The following HABP4 variants were observed in gnomAD, a reference collection of about 807,000 sequenced individuals.
HABP4 encodes the protein intracellular hyaluronan-binding protein 4.
Under a neutral mutation model 44.1 loss-of-function variants are expected in HABP4, and 32 were observed. The observed-to-expected ratio is 0.73, with a 90% CI of 0.55 to 0.97. The LOEUF is 0.97. HABP4 is among the 50% of genes least tolerant of loss of function. HABP4 has a pLI of 0.00. For missense variants in HABP4, 503 were observed against 561.9 expected, an observed-to-expected ratio of 0.90 and a Z score of 1.06; for synonymous variants, 216 against 218.0, an observed-to-expected ratio of 0.99 and a Z score of 0.08.
At chr9:96,478,678 A>G (rs1473887952) in intron 5 of HABP4, among the ~76,000 whole-genome samples, 1 of 133,716 alleles carries the variant, frequency 7.5e-6, no homozygotes, top group Non-Finnish European at 1.6e-5. Context: ...TTCTTTTTTT[A>G]GAGACAAGAT....
intron 5 of HABP4, chr9:96,483,544 G>T (rs1320955060): frequency 6.6e-6 from 1 of 152,044 alleles, no homozygotes; most frequent in East Asian, 1.9e-4. Flanking sequence ...GAGCCACCAC[G>T]CTTGGCTGTT....
At chr9:96,467,705 T>C (rs1832626780) in intron 4 of HABP4, among the ~76,000 whole-genome samples, 1 of 151,998 alleles carries the variant, frequency 6.6e-6, no homozygotes, top group South Asian at 2.1e-4. Flanking sequence ...TTTGTGTTTT[T>C]AGTAGAGATG....
chr9:96,488,585 C>G lies in HABP4; in HGVS notation c.1185+311C>G, dbSNP rs970719903. 6.6e-6 allele frequency among the ~76,000 whole-genome samples: 1 copy of G among 152,202 alleles called. No individual in the cohort carries two copies. Among genetic ancestry groups the G allele is most frequent in the African/African-American group, 2.4e-5 (1 of 41,460 alleles). On this transcript the variant is annotated intron_variant, in intron 7 of 7. Coordinates refer to ENST00000375249, the MANE Select transcript of HABP4 (RefSeq NM_014282.4). This position sits in a 1 kb window ranked among gnomAD's most constrained non-coding sequence, Gnocchi z 4.6. ...ACTGGAGCACCTGACGTTTTGCTTA[C>G]TGTGGCCTGATTGTGTGCCTTGGGC... is the stretch of plus-strand genomic sequence containing the variant.
chr9:96,450,452 G>T lies in HABP4; in HGVS notation c.173G>T (p.Arg58Leu), dbSNP rs1454487550. 4.0e-6 allele frequency: 5 copies of T among 1,251,894 alleles called. No individual in the cohort carries two copies. In the African/African-American group the frequency reaches 6.3e-5, roughly 16 times the overall value. 77.5% of individuals were successfully genotyped at this position (1,251,894 alleles called of 1,614,324 possible). Residue 58 changes from arginine (R) to leucine (L), a missense_variant, in exon 1 of 8, where the codon CGC becomes CTC. Around this residue, in one of 3 missense-constraint regions of HABP4, gnomAD observed 290 missense variants for 300.5 expected, o/e 0.97. Coordinates refer to ENST00000375249, the MANE Select transcript of HABP4 (RefSeq NM_014282.4). The surrounding 1 kb of genome is among the most constrained non-coding windows in gnomAD (Gnocchi z 4.8). ...RRQQQLQRKR[R>L]DEAAAAAGAG... ...CAGCAGCAGCTGCAGCGCAAGAGGC[G>T]CGACGAGGCGGCGGCGGCGGCCGGG... is the stretch of plus-strand genomic sequence containing the variant.
Position 96,458,393 on chromosome 9 carries a change from C to T in HABP4, c.364C>T (p.Pro122Ser), listed in dbSNP as rs150099858. 13 of 1,614,010 alleles carry T rather than the reference C, an allele frequency of 8.1e-6. No individual in the cohort carries two copies. The highest frequency in any genetic ancestry group is 3.3e-5 in the South Asian group (3 of 91,084). Residue 122 changes from proline to serine, a missense_variant, in exon 2 of 8, where the codon CCT becomes TCT. Coordinates refer to ENST00000375249, the MANE Select transcript of HABP4 (RefSeq NM_014282.4). ...GLQAPGQKRT[P>S]RRGEQQGWND... ...TCTGTTGGTAGGCCAGAAGCGGACT[C>T]CTAGAAGAGGGGAGCAGCAAGGATG...
At chr9:96,455,618 G>T (rs1412685602) in intron 1 of HABP4, among the ~76,000 whole-genome samples, 3 of 150,900 alleles carry the variant, frequency 2.0e-5, no homozygotes, top group African/African-American at 7.3e-5. Context: ...ACAAAAAAAT[G>T]ACCTGGGTGT....
rs1488050198 is a variant in HABP4 at position 96,488,653 on chromosome 9, T to A, written c.1185+379T>A. On this transcript the variant is annotated intron_variant, in intron 7 of 7. Transcript: ENST00000375249. This position sits in a 1 kb window ranked among gnomAD's most constrained non-coding sequence, Gnocchi z 4.6. Reference sequence around the variant, plus strand: ...AGTGGACAGAATCCTCCCTAAGATCTCAAGCCCTTTGTGAGGGGACCTTCC... The same window carrying A: ...AGTGGACAGAATCCTCCCTAAGATCACAAGCCCTTTGTGAGGGGACCTTCC... Among the ~76,000 whole-genome samples the A allele has an allele frequency of 6.6e-6, 1 of 152,140 alleles. No individual in the cohort carries two copies. The highest frequency in any genetic ancestry group is 1.5e-5 in the Non-Finnish European group (1 of 68,014).
rs773406229 is a variant in HABP4 at position 96,450,467 on chromosome 9, C to T, written c.188C>T (p.Ala63Val). 1 of 1,227,052 alleles carries T rather than the reference C, an allele frequency of 8.1e-7. No homozygotes were observed. Among genetic ancestry groups the T allele is most frequent in the South Asian group, 3.5e-5 (1 of 28,244 alleles). The allele number at this position is 1,227,052 out of a possible 1,614,324, so 76.0% of individuals were successfully genotyped here. The change falls in exon 1 of 8, where the codon GCG becomes GTG. Residue 63 changes from alanine (A) to valine (V), a missense_variant. By Grantham distance (64) the Ala-to-Val change is moderately conservative (BLOSUM62 0). Coordinates refer to ENST00000375249, the MANE Select transcript of HABP4 (RefSeq NM_014282.4). This position sits in a 1 kb window ranked among gnomAD's most constrained non-coding sequence, Gnocchi z 4.8. ...LQRKRRDEAAAAAGAGPRGGR... is the reference protein window; with the variant it reads ...LQRKRRDEAAVAAGAGPRGGR... ...CGCAAGAGGCGCGACGAGGCGGCGG[C>T]GGCGGCCGGGGCCGGTCCCCGCGGC...
At chr9:96,477,937 A>G (rs1409791922) in intron 5 of HABP4, among the ~76,000 whole-genome samples, 1 of 152,130 alleles carries the variant, frequency 6.6e-6, no homozygotes, top group African/African-American at 2.4e-5. Context: ...CTATAATTTT[A>G]TATGAATGGA....
intron 1 of HABP4, among the ~76,000 whole-genome samples, chr9:96,456,809 AT>A (rs1832400597): frequency 8.0e-6 from 1 of 125,000 alleles, no homozygotes; most frequent in African/African-American, 3.0e-5. Flanking sequence ...ATATATATAT[AT>A]ATATATATAT....
At chr9:96,471,223 A>G (rs1587681567) in intron 5 of HABP4, 129 bp downstream of exon 5, 4 of 612,438 alleles carry the variant, frequency 6.5e-6, no homozygotes, top group South Asian at 1.9e-5. Flanking sequence ...GCTCACTGCA[A>G]CCTCCACTTC....
At chr9:96,472,815 C>T (rs748167449) in intron 5 of HABP4, among the ~76,000 whole-genome samples, 2 of 152,220 alleles carry the variant, frequency 1.3e-5, no homozygotes, top group Non-Finnish European at 2.9e-5. Flanking sequence ...TCCCTTTAGT[C>T]CAGGCCTGGC....
intron 4 of HABP4, among the ~76,000 whole-genome samples, chr9:96,470,280 ACCACCATGCCCAG>A (rs1314483621): frequency 3.3e-5 from 5 of 151,912 alleles, no homozygotes; most frequent in Non-Finnish European, 7.4e-5. Context: ...CCGCACTCCA[ACCACCATGCCCAG>A]CTAATTTTTG....
Position 96,488,934 on chromosome 9 carries a change from G to A in HABP4, c.1185+660G>A, listed in dbSNP as rs534926975. On this transcript the variant is annotated intron_variant, in intron 7 of 7. Transcript: ENST00000375249. This position sits in a 1 kb window ranked among gnomAD's most constrained non-coding sequence, Gnocchi z 4.6. ...CTCACTGGTGTGGCTATCGGTCAGC[G>A]GCTGCTTTTGCTCATTACCGGTTTA... Among the ~76,000 whole-genome samples, 3 of 152,272 alleles carry A rather than the reference G, an allele frequency of 2.0e-5. No individual in the cohort carries two copies. The highest frequency in any genetic ancestry group is 3.4e-3 in the Middle Eastern group (1 of 294).
intron 4 of HABP4, among the ~76,000 whole-genome samples, chr9:96,468,085 T>TC (rs1309366401): frequency 2.0e-5 from 3 of 152,016 alleles, no homozygotes; most frequent in African/African-American, 4.8e-5. Context: ...CTTTTTTTTT[T>TC]CCTCTCTCTG....
intron 1 of HABP4, among the ~76,000 whole-genome samples, chr9:96,451,034 C>A (rs945515993): frequency 2.6e-5 from 4 of 151,912 alleles, no homozygotes; most frequent in African/African-American, 9.7e-5. Flanking sequence ...CCCGAGAGCG[C>A]GGTGGGGAGG....
At chr9:96,461,556 C>T (rs943179390) in intron 2 of HABP4, among the ~76,000 whole-genome samples, 2 of 151,856 alleles carry the variant, frequency 1.3e-5, no homozygotes, top group Admixed American at 6.6e-5. Flanking sequence ...GAGACATGCC[C>T]GTTAATCCCA....
chr9:96,471,149 CTT>C lies in HABP4; in HGVS notation c.827+66_827+67del, dbSNP rs35109507. 2.5e-3 allele frequency: 1,892 copies of C among 767,266 alleles called. 1 individual carries two copies. The highest frequency in any genetic ancestry group is 3.6e-3 in the African/African-American group (196 of 55,156). 47.5% of individuals were successfully genotyped at this position (767,266 alleles called of 1,614,324 possible). ...GTGTTGGTTCTCTTCTTAATGATTT[CTT>C]TTTTTTTTTTGAGATGGAACTTGCT... On this transcript the variant is annotated intron_variant, in intron 5 of 7. Coordinates refer to ENST00000375249, the MANE Select transcript of HABP4 (RefSeq NM_014282.4).
chr9:96,466,161 G>A (rs1208465774), intron 4 of HABP4, among the ~76,000 whole-genome samples: 23 of 152,060 alleles, frequency 1.5e-4, no homozygotes, highest in Admixed American at 1.5e-3. Context: ...CTTGAGGTCG[G>A]GAGTTTGAGA....
Sources: allele counts gnomAD v4.1 joint callset (sites outside exome capture counted in the v4.1 genomes callset), GRCh38; gene constraint gnomAD v4.1.1; regional missense constraint gnomAD v4.1.1; non-coding constraint Gnocchi (gnomAD v3.1); transcripts MANE v1.5; gene names NCBI Gene and HGNC (gene_info 2026-07-23, HGNC 2026-07-21).